The following GRK3 variants were observed in gnomAD, a reference collection of about 807,000 sequenced individuals.
GRK3 encodes adrenergic, beta, receptor kinase 2.
Under a neutral mutation model 95.7 loss-of-function variants are expected in GRK3, and 54 were observed. The ratio of observed to expected loss-of-function variants is 0.56; its 90% CI spans 0.45 to 0.71. GRK3 has a LOEUF of 0.71. Among genes scored for constraint, GRK3 ranks in the 30% least tolerant of loss-of-function variants. The pLI, the probability that GRK3 is intolerant of heterozygous loss-of-function variation, is 0.00. For missense variants in GRK3, 649 were observed against 851.2 expected, an observed-to-expected ratio of 0.76 and a Z score of 2.96; for synonymous variants, 281 against 290.8, an observed-to-expected ratio of 0.97 and a Z score of 0.34.
intron 1 of GRK3, among the ~76,000 whole-genome samples, chr22:25,582,030 A>G (rs1320183787): frequency 6.6e-6 from 1 of 152,212 alleles, no homozygotes; most frequent in Non-Finnish European, 1.5e-5. Flanking sequence ...TAATCCCAGC[A>G]CTTTGGGAGG....
intron 3 of GRK3, chr22:25,648,236 C>T: frequency 2.6e-6 from 2 of 781,522 alleles, no homozygotes; most frequent in South Asian, 1.3e-5. Flanking sequence ...ATGTGAAACA[C>T]CACAAAATTA....
intron 1 of GRK3, among the ~76,000 whole-genome samples, chr22:25,568,092 A>G (rs1020213806): frequency 6.6e-6 from 1 of 152,232 alleles, no homozygotes; most frequent in African/African-American, 2.4e-5. Context: ...AATGGGGCCT[A>G]CTGGGAGTAG....
chr22:25,665,193 C>T (rs528484128), intron 5 of GRK3, among the ~76,000 whole-genome samples: 18 of 152,276 alleles, frequency 1.2e-4, no homozygotes, highest in South Asian at 4.1e-4. Context: ...GTACGAGGCC[C>T]GCCTATCACT....
chr22:25,688,235 CAAAAAAAAAAA>C (rs35383882), intron 11 of GRK3, among the ~76,000 whole-genome samples: 3 of 63,490 alleles, frequency 4.7e-5, no homozygotes, highest in East Asian at 5.6e-4. Flanking sequence ...GACTCTGTCT[CAAAAAAAAAAA>C]AAAAAAAAAA....
chr22:25,666,511 A>T (rs1002361057), intron 5 of GRK3, among the ~76,000 whole-genome samples: 1 of 152,190 alleles, frequency 6.6e-6, no homozygotes, highest in African/African-American at 2.4e-5. Context: ...GGTTTTCGCA[A>T]CTAGCTCCAG....
intron 6 of GRK3, among the ~76,000 whole-genome samples, chr22:25,671,994 T>C (rs1401835915): frequency 6.6e-6 from 1 of 152,242 alleles, no homozygotes; most frequent in Non-Finnish European, 1.5e-5. Flanking sequence ...TTACATAAAG[T>C]ATATTATTAA....
intron 2 of GRK3, among the ~76,000 whole-genome samples, chr22:25,625,317 T>A (rs921188476): frequency 6.6e-6 from 1 of 152,222 alleles, no homozygotes; most frequent in African/African-American, 2.4e-5. Flanking sequence ...CGCTCTGCAA[T>A]CATAACCTAG....
At chr22:25,710,350 A>G (rs766829546) in intron 16 of GRK3, among the ~76,000 whole-genome samples, 2 of 152,212 alleles carry the variant, frequency 1.3e-5, no homozygotes, top group Non-Finnish European at 2.9e-5. Flanking sequence ...ATTTTTACAT[A>G]GATCTCTATA....
intron 10 of GRK3, 66 bp from the exon 11 acceptor site, chr22:25,687,471 G>C (rs747225354): frequency 3.8e-6 from 6 of 1,559,050 alleles, no homozygotes; most frequent in Non-Finnish European, 5.3e-6. Flanking sequence ...GACTATTTAG[G>C]ATGACAATGA....
chr22:25,617,070 G>A (rs2084545296), intron 2 of GRK3, among the ~76,000 whole-genome samples: 1 of 152,186 alleles, frequency 6.6e-6, no homozygotes, highest in South Asian at 2.1e-4. Flanking sequence ...TAGGCCCCCA[G>A]AGAGTCTGTT....
intron 2 of GRK3, among the ~76,000 whole-genome samples, chr22:25,627,403 C>T (rs1160716624): frequency 1.3e-5 from 2 of 151,988 alleles, no homozygotes; most frequent in African/African-American, 4.8e-5. Flanking sequence ...TACCTTCCAC[C>T]TTTTCCCTGT....
chr22:25,647,493 A>G, intron 3 of GRK3: 1 of 1,403,178 alleles, frequency 7.1e-7, no homozygotes, highest in Non-Finnish European at 1.0e-6. Context: ...CATCTTCCTC[A>G]TTCTCAGTGG....
chr22:25,644,721 C>A, intron 3 of GRK3, 56 bp downstream of exon 3: 1 of 909,352 alleles, frequency 1.1e-6, no homozygotes, highest in Admixed American at 2.6e-5. Flanking sequence ...TTAAACTGTA[C>A]TTTGGAACAT....
At chr22:25,707,866 C>T (rs2085311979) in intron 15 of GRK3, among the ~76,000 whole-genome samples, 1 of 152,014 alleles carries the variant, frequency 6.6e-6, no homozygotes, top group African/African-American at 2.4e-5. Context: ...GGTACCAGGA[C>T]CCTGGTGCCT....
chr22:25,571,499 A>T (rs1341958070), intron 1 of GRK3, among the ~76,000 whole-genome samples: 1 of 152,242 alleles, frequency 6.6e-6, no homozygotes, highest in African/African-American at 2.4e-5. Context: ...CTCAAACAAA[A>T]AGATGAGAAG....
intron 17 of GRK3, among the ~76,000 whole-genome samples, chr22:25,712,993 G>C (rs1403663125): frequency 6.6e-6 from 1 of 152,172 alleles, no homozygotes; most frequent in East Asian, 1.9e-4. Flanking sequence ...TCTTTAAAAG[G>C]GTGGGGGAAA....
At chr22:25,700,382 G>A (rs1189397374) in intron 13 of GRK3, among the ~76,000 whole-genome samples, 1 of 152,180 alleles carries the variant, frequency 6.6e-6, no homozygotes. Flanking sequence ...CAGTGGCCTC[G>A]ATCTTAAGCT....
At chr22:25,623,475 C>G (rs933214320) in intron 2 of GRK3, among the ~76,000 whole-genome samples, 1 of 152,202 alleles carries the variant, frequency 6.6e-6, no homozygotes, top group African/African-American at 2.4e-5. Flanking sequence ...TTTGGTGCAG[C>G]CTTAGTGAGC....
intron 2 of GRK3, among the ~76,000 whole-genome samples, chr22:25,611,471 C>T (rs552514265): frequency 6.6e-6 from 1 of 152,328 alleles, no homozygotes; most frequent in Admixed American, 6.5e-5. Flanking sequence ...TTTACTATAT[C>T]CTCACCAATA....
Sources: gnomAD v4.1 joint callset for allele counts (sites outside exome capture counted in the v4.1 genomes callset) on GRCh38, gnomAD v4.1.1 for gene constraint, MANE v1.5 for transcripts, NCBI Gene and HGNC (gene_info 2026-07-23, HGNC 2026-07-21) for gene names.